Variants in TTC39B observed in about 807,000 individuals in gnomAD.
TTC39B encodes the protein tetratricopeptide repeat protein 39B.
A neutral mutation model predicts 96.6 loss-of-function variants in TTC39B; 92 were observed. The ratio of observed to expected loss-of-function variants is 0.95; its 90% CI spans 0.80 to 1.13. TTC39B has a LOEUF of 1.13. Among genes scored for constraint, TTC39B ranks in the 50% most tolerant of loss-of-function variants. The pLI is 0.00. For missense variants in TTC39B, 955 were observed against 809.3 expected (o/e 1.18, Z -2.18); for synonymous variants, 367 against 299.4 (o/e 1.23, Z -2.33).
exon 19 of TTC39B, chr9:15,175,036 C>G (rs376886769): frequency 3.8e-5 from 62 of 1,613,444 alleles, no homozygotes; most frequent in Non-Finnish European, 5.0e-5. Flanking sequence ...TTTCTAGGAA[C>G]TTTATGGCCT....
intron 2 of TTC39B, among the ~76,000 whole-genome samples, chr9:15,250,509 A>G (rs917532225): frequency 2.0e-5 from 3 of 152,216 alleles, no homozygotes; most frequent in African/African-American, 7.2e-5. Context: ...CTTTAAAAAA[A>G]TACTAAATAA....
In TTC39B at chr9:15,236,715, G is replaced by A. The variant is rs114610178; in HGVS notation, c.276-10703C>T. Among the ~76,000 whole-genome samples, 480 of 152,236 alleles carry A rather than the reference G, an allele frequency of 3.2e-3. 3 individuals carry two copies. The highest frequency in any genetic ancestry group is 0.011 in the African/African-American group (461 of 41,540). On this transcript the variant is annotated intron_variant, in intron 2 of 19. Transcript: ENST00000512701. ...CATGGAACCTAAACAACTTGCTCCTGAACAACTCTTGGGTAAACAATGAAA... is the reference window on the plus strand; with the variant it reads ...CATGGAACCTAAACAACTTGCTCCTAAACAACTCTTGGGTAAACAATGAAA...
chr9:15,261,557 C>A (rs1188933663), intron 2 of TTC39B, among the ~76,000 whole-genome samples: 1 of 152,166 alleles, frequency 6.6e-6, no homozygotes, highest in African/African-American at 2.4e-5. Flanking sequence ...CAGGAATCCT[C>A]CATGACCCAA....
chr9:15,167,894 T>A (rs779359355), exon 20 of TTC39B: 1 of 152,184 alleles, frequency 6.6e-6, no homozygotes, highest in Non-Finnish European at 1.5e-5. Context: ...AATTTCTTAA[T>A]CTAGTACATA....
chr9:15,300,970 C>A (rs4008004), intron 1 of TTC39B, among the ~76,000 whole-genome samples: 31,272 of 147,898 alleles, frequency 0.21, 3,449 homozygotes, highest in Admixed American at 0.26. Context: ...CTTAGCGTGA[C>A]ATTCAGGACA....
At chr9:15,225,465 AAATC>A (rs1486908590) in intron 3 of TTC39B, among the ~76,000 whole-genome samples, 3 of 152,136 alleles carry the variant, frequency 2.0e-5, no homozygotes, top group African/African-American at 7.2e-5. Context: ...TTTGACGAAA[AAATC>A]TATTATGGTT....
chr9:15,214,032 T>A, intron 4 of TTC39B, 107 bp downstream of exon 4: 1 of 780,846 alleles, frequency 1.3e-6, no homozygotes, highest in South Asian at 1.9e-5. Flanking sequence ...TAAATTAGCT[T>A]ATCAATATTC....
At chr9:15,206,996 G>C (rs1337810377) in intron 6 of TTC39B, among the ~76,000 whole-genome samples, 1 of 152,308 alleles carries the variant, frequency 6.6e-6, no homozygotes, top group South Asian at 2.1e-4. Flanking sequence ...CACGAGATCT[G>C]ATGGTTTTAT....
intron 8 of TTC39B, among the ~76,000 whole-genome samples, chr9:15,196,620 G>T (rs1390321622): frequency 6.6e-6 from 1 of 152,208 alleles, no homozygotes; most frequent in Non-Finnish European, 1.5e-5. Context: ...ATGAGGAGTT[G>T]CCTCTTATGG....
At position 15,306,900 on chromosome 9, in the gene TTC39B, C is replaced by A. The variant is rs1824770152; in HGVS notation, c.240+184G>T. Reference sequence around the variant, plus strand: ...CGTCCGCTCCGCGCGCCGCAGGGACCCTCCTAGCTCCAGCGGGGACAGACC... The same window carrying A: ...CGTCCGCTCCGCGCGCCGCAGGGACACTCCTAGCTCCAGCGGGGACAGACC... On this transcript the variant is annotated intron_variant, in intron 1 of 19. Transcript: ENST00000512701. The surrounding 1 kb of genome is among the most constrained non-coding windows in gnomAD (Gnocchi z 5.1). Among the ~76,000 whole-genome samples the A allele has an allele frequency of 6.6e-6, 1 of 151,938 alleles. No individual in the cohort carries two copies. The highest frequency in any genetic ancestry group is 6.5e-5 in the Admixed American group (1 of 15,276).
At chr9:15,280,741 G>A (rs906865849) in intron 1 of TTC39B, among the ~76,000 whole-genome samples, 2 of 152,122 alleles carry the variant, frequency 1.3e-5, no homozygotes, top group Non-Finnish European at 2.9e-5. Flanking sequence ...AGAGGCAGTG[G>A]GTATCCCTAA....
chr9:15,222,217 G>A (rs1453623061), intron 3 of TTC39B, among the ~76,000 whole-genome samples: 3 of 152,204 alleles, frequency 2.0e-5, no homozygotes, highest in African/African-American at 2.4e-5. Context: ...TAACACAAAG[G>A]AGGTAAAAGC....
chr9:15,184,781 GA>G (rs1221934944), intron 16 of TTC39B, among the ~76,000 whole-genome samples: 1 of 152,194 alleles, frequency 6.6e-6, no homozygotes, highest in Non-Finnish European at 1.5e-5. Context: ...CAATATGAAA[GA>G]ATGTATATAT....
At position 15,226,016 on chromosome 9, in the gene TTC39B, T is replaced by C. The variant is rs367949553; in HGVS notation, c.276-4A>G. On this transcript the variant is annotated splice_polypyrimidine_tract_variant and splice_region_variant and intron_variant, in intron 2 of 19. Coordinates refer to ENST00000512701, the Ensembl canonical transcript of TTC39B. ...TGCCATATCTGAGTGAGAAGATCTG[T>C]TAATTAAAAAGGCAGAGCAAGGTTT... 2.8e-5 allele frequency: 45 copies of C among 1,612,916 alleles called. No individual in the cohort carries two copies. In the East Asian group the frequency reaches 9.4e-4, roughly 34 times the overall value.
intron 2 of TTC39B, among the ~76,000 whole-genome samples, chr9:15,233,310 A>G (rs1336655683): frequency 1.3e-5 from 2 of 152,070 alleles, no homozygotes; most frequent in Non-Finnish European, 2.9e-5. Flanking sequence ...GACAAGGAGA[A>G]GGGAGAAGAA....
intron 4 of TTC39B, among the ~76,000 whole-genome samples, chr9:15,213,865 C>T (rs139148399): frequency 1.8e-3 from 269 of 152,118 alleles, no homozygotes; most frequent in African/African-American, 6.3e-3. Flanking sequence ...CTGAAGAAAG[C>T]AAAATTGAAG....
chr9:15,195,074 C>G (rs1374259464), intron 8 of TTC39B, among the ~76,000 whole-genome samples: 1 of 152,190 alleles, frequency 6.6e-6, no homozygotes, highest in African/African-American at 2.4e-5. Flanking sequence ...GCCTCTTGTG[C>G]CAAACAGTTA....
At chr9:15,301,418 T>C (rs569745059) in intron 1 of TTC39B, among the ~76,000 whole-genome samples, 1 of 152,336 alleles carries the variant, frequency 6.6e-6, no homozygotes, top group East Asian at 1.9e-4. Flanking sequence ...ATTTAAAGAC[T>C]GTTAGGACCT....
intron 17 of TTC39B, among the ~76,000 whole-genome samples, chr9:15,179,042 G>C (rs944494430): frequency 6.6e-6 from 1 of 152,182 alleles, no homozygotes; most frequent in Non-Finnish European, 1.5e-5. Context: ...TGAGGAAAAT[G>C]TCAAGGATTT....
Sources: allele counts gnomAD v4.1 joint callset (sites outside exome capture counted in the v4.1 genomes callset), GRCh38; gene constraint gnomAD v4.1.1; non-coding constraint Gnocchi (gnomAD v3.1); transcripts MANE v1.5; gene names NCBI Gene and HGNC (gene_info 2026-07-23, HGNC 2026-07-21).